Variants in PDE7B observed in about 807,000 individuals in gnomAD.
The protein encoded by PDE7B is phosphodiesterase 7B.
Under a neutral mutation model 56.2 loss-of-function variants are expected in PDE7B, and 29 were observed. The observed-to-expected ratio is 0.52, with a 90% CI of 0.38 to 0.70. The LOEUF (loss-of-function observed/expected upper bound fraction) is 0.70, where lower values mean the gene tolerates loss of function less well. Ranked by LOEUF, PDE7B falls within the 30% of genes least tolerant of loss-of-function variation. The pLI, the probability that PDE7B is intolerant of heterozygous loss-of-function variation, is 0.00. For synonymous variants in PDE7B, 197 were observed against 196.9 expected (o/e 1.00, Z 0.00); for missense variants, 490 against 565.0 (o/e 0.87, Z 1.35).
intron 1 of PDE7B, among the ~76,000 whole-genome samples, chr6:135,858,397 C>T (rs995837203): frequency 1.3e-5 from 2 of 152,188 alleles, no homozygotes; most frequent in African/African-American, 4.8e-5. Flanking sequence ...AAGTGATCCA[C>T]CCGCCTTGGC....
intron 2 of PDE7B, among the ~76,000 whole-genome samples, chr6:135,980,111 G>T (rs1775268868): frequency 6.6e-6 from 1 of 152,070 alleles, no homozygotes; most frequent in African/African-American, 2.4e-5. Flanking sequence ...CAATGGAACA[G>T]AACAGAGCCC....
intron 2 of PDE7B, among the ~76,000 whole-genome samples, chr6:135,968,392 T>C (rs1187917244): frequency 6.6e-6 from 1 of 152,088 alleles, no homozygotes; most frequent in Non-Finnish European, 1.5e-5. Context: ...AGAGAAAATT[T>C]TTGCAATCTA....
intron 3 of PDE7B, among the ~76,000 whole-genome samples, chr6:136,114,140 G>A (rs1024155338): frequency 1.3e-5 from 2 of 152,130 alleles, no homozygotes; most frequent in Non-Finnish European, 2.9e-5. Flanking sequence ...CTGTTAATTT[G>A]CTAATCTTGA....
intron 2 of PDE7B, among the ~76,000 whole-genome samples, chr6:136,103,185 C>T (rs1292291389): frequency 6.6e-6 from 1 of 152,170 alleles, no homozygotes; most frequent in African/African-American, 2.4e-5. Flanking sequence ...AGCACATAGT[C>T]CTTGATGACC....
At chr6:136,045,587 A>C (rs1287449000) in intron 2 of PDE7B, among the ~76,000 whole-genome samples, 2 of 152,192 alleles carry the variant, frequency 1.3e-5, no homozygotes, top group Non-Finnish European at 2.9e-5. Context: ...AAAACTTGTC[A>C]GCCTTGTATG....
chr6:135,949,577 C>T (rs1030835906), intron 2 of PDE7B, among the ~76,000 whole-genome samples: 1 of 151,896 alleles, frequency 6.6e-6, no homozygotes, highest in Non-Finnish European at 1.5e-5. Flanking sequence ...GAAATCCATC[C>T]CAAACACCTT....
chr6:136,141,928 T>C (rs534723348), intron 3 of PDE7B, among the ~76,000 whole-genome samples: 62 of 124,496 alleles, frequency 5.0e-4, no homozygotes, highest in African/African-American at 2.1e-3. Flanking sequence ...CATTGATTTT[T>C]TGAAGGGTTT....
Position 135,998,226 on chromosome 6 carries a change from G to C in PDE7B, c.82+50702G>C, listed in dbSNP as rs559906373. 4.9e-4 allele frequency among the ~76,000 whole-genome samples: 75 copies of C among 152,224 alleles called. No homozygotes were observed. In the South Asian group the frequency reaches 7.9e-3, roughly 16 times the overall value. On this transcript the variant is annotated intron_variant, in intron 2 of 12. Coordinates refer to ENST00000308191, the MANE Select transcript of PDE7B (RefSeq NM_018945.4). ...AATACTTATTTACATAGTGAAAATA[G>C]AGGTTCACTATTATTCTTTCTGCCA...
intron 9 of PDE7B, 91 bp from the exon 10 acceptor site, chr6:136,178,906 T>C: frequency 1.5e-6 from 2 of 1,369,614 alleles, no homozygotes; most frequent in South Asian, 2.5e-5. Context: ...AGAAATTAGA[T>C]TACAAGCCAC....
At chr6:135,987,609 G>T (rs989812746) in intron 2 of PDE7B, among the ~76,000 whole-genome samples, 8 of 152,116 alleles carry the variant, frequency 5.3e-5, no homozygotes, top group African/African-American at 1.7e-4. Context: ...TGTCCCAAAA[G>T]CAGAGAGCAG....
intron 1 of PDE7B, among the ~76,000 whole-genome samples, chr6:135,894,959 G>C (rs915321313): frequency 6.6e-6 from 1 of 151,940 alleles, no homozygotes; most frequent in African/African-American, 2.4e-5. Flanking sequence ...TTAAATATTG[G>C]ATAATTTGAT....
At chr6:136,064,552 C>T (rs1776901540) in intron 2 of PDE7B, 2 of 152,176 alleles carry the variant, frequency 1.3e-5, no homozygotes, top group African/African-American at 4.8e-5. Flanking sequence ...CACTCTCATT[C>T]GTCCCCTTGC....
intron 2 of PDE7B, among the ~76,000 whole-genome samples, chr6:135,982,149 T>C (rs1562459836): frequency 1.3e-5 from 2 of 152,164 alleles, no homozygotes; most frequent in Admixed American, 6.6e-5. Flanking sequence ...TTGCCACCCA[T>C]GTTTGTTAAG....
chr6:136,126,643 G>A (rs561401038), intron 3 of PDE7B, among the ~76,000 whole-genome samples: 12 of 152,282 alleles, frequency 7.9e-5, no homozygotes, highest in African/African-American at 2.9e-4. Context: ...TGAATTAATG[G>A]CATTTGCAGC....
chr6:136,099,014 G>A (rs1272994191), intron 2 of PDE7B, among the ~76,000 whole-genome samples: 1 of 149,364 alleles, frequency 6.7e-6, no homozygotes, highest in African/African-American at 2.5e-5. Flanking sequence ...TTATGAGTGA[G>A]AACATGCAGT....
intron 2 of PDE7B, among the ~76,000 whole-genome samples, chr6:136,106,522 C>T (rs918266382): frequency 6.6e-6 from 1 of 152,144 alleles, no homozygotes; most frequent in Non-Finnish European, 1.5e-5. Flanking sequence ...ACTTAGGCAG[C>T]TCAATTAAAG....
chr6:135,971,443 G>T (rs1488359643), intron 2 of PDE7B, among the ~76,000 whole-genome samples: 1 of 152,172 alleles, frequency 6.6e-6, no homozygotes, highest in Non-Finnish European at 1.5e-5. Flanking sequence ...GGGAAAGAGA[G>T]ATTGCTCTTT....
chr6:135,929,543 T>C (rs1192958099), intron 1 of PDE7B, among the ~76,000 whole-genome samples: 2 of 152,254 alleles, frequency 1.3e-5, no homozygotes, highest in African/African-American at 4.8e-5. Flanking sequence ...TGAAATATGT[T>C]ACTAAATTAA....
intron 2 of PDE7B, among the ~76,000 whole-genome samples, chr6:135,994,549 T>C (rs1235246289): frequency 2.6e-5 from 4 of 152,138 alleles, no homozygotes; most frequent in Non-Finnish European, 5.9e-5. Flanking sequence ...AACTGAAATG[T>C]CTCCACAATT....
Sources: allele counts gnomAD v4.1 joint callset (sites outside exome capture counted in the v4.1 genomes callset), GRCh38; gene constraint gnomAD v4.1.1; transcripts MANE v1.5; gene names NCBI Gene and HGNC (gene_info 2026-07-23, HGNC 2026-07-21).